Variants in OPCML observed in about 807,000 individuals in gnomAD.
OPCML encodes the protein opioid binding protein/cell adhesion molecule like, also known as opioid-binding protein/cell adhesion molecule.
A neutral mutation model predicts 37.8 loss-of-function variants in OPCML; 13 were observed. The ratio of observed to expected loss-of-function variants is 0.34; its 90% CI spans 0.22 to 0.55. The LOEUF (loss-of-function observed/expected upper bound fraction) is 0.55. OPCML is among the 20% of genes least tolerant of loss of function. OPCML has a pLI of 0.91. For synonymous variants in OPCML, 176 were observed against 168.8 expected, an observed-to-expected ratio of 1.04 and a Z score of -0.33; for missense variants, 341 against 435.6, an observed-to-expected ratio of 0.78 and a Z score of 1.93.
chr11:133,332,110 AG>A (rs1366127750), intron 1 of OPCML, among the ~76,000 whole-genome samples: 1 of 152,082 alleles, frequency 6.6e-6, no homozygotes, highest in Non-Finnish European at 1.5e-5. Flanking sequence ...TCTTTGAGCA[AG>A]GTTTTGTAAT....
chr11:133,446,481 G>A (rs894971831), intron 1 of OPCML, among the ~76,000 whole-genome samples: 5 of 152,018 alleles, frequency 3.3e-5, no homozygotes, highest in Admixed American at 6.6e-5. Context: ...CTGTAGTGTG[G>A]TGGTGTAGTC....
chr11:132,630,208 T>G (rs1251579130), intron 3 of OPCML, among the ~76,000 whole-genome samples: 1 of 152,246 alleles, frequency 6.6e-6, no homozygotes, highest in African/African-American at 2.4e-5. Context: ...TGTCAATGTA[T>G]GAAGATGTTC....
At chr11:132,825,295 T>TA (rs1316993276) in intron 2 of OPCML, among the ~76,000 whole-genome samples, 1 of 152,146 alleles carries the variant, frequency 6.6e-6, no homozygotes, top group Non-Finnish European at 1.5e-5. Flanking sequence ...AGCCTCTAGA[T>TA]ACCCAGCAAT....
chr11:132,529,260 T>A, intron 3 of OPCML, 74 bp from the exon 4 acceptor site: 1 of 1,502,058 alleles, frequency 6.7e-7, no homozygotes, highest in Non-Finnish European at 8.9e-7. Context: ...AGCCTACAAA[T>A]TTTTGTATAG....
At chr11:133,381,420 T>C (rs562097567) in intron 1 of OPCML, among the ~76,000 whole-genome samples, 10 of 152,304 alleles carry the variant, frequency 6.6e-5, no homozygotes, top group African/African-American at 2.2e-4. Flanking sequence ...AAATTCAGCT[T>C]GGAGCAGAGT....
chr11:133,122,214 A>G (rs999587202), intron 1 of OPCML, among the ~76,000 whole-genome samples: 7 of 152,200 alleles, frequency 4.6e-5, no homozygotes. Flanking sequence ...TGGTAATCAT[A>G]TAGACATGGA....
rs149883829 is a variant in OPCML at position 133,349,740 on chromosome 11, G to A, written c.61+182524C>T. Among the ~76,000 whole-genome samples, 488 of 152,228 alleles carry A rather than the reference G, an allele frequency of 3.2e-3. 1 individual carries two copies. Among genetic ancestry groups the A allele is most frequent in the African/African-American group, 0.011 (475 of 41,528 alleles). On this transcript the variant is annotated intron_variant, in intron 1 of 7. Coordinates refer to ENST00000524381, the MANE Select transcript of OPCML (RefSeq NM_001012393.5). ...CTGAAGATGAGGTGTGAGACAGGAA[G>A]AACACAGCTGTGCTTTCAGATCCCA... is the stretch of plus-strand genomic sequence containing the variant.
In OPCML at chr11:132,942,901, C is replaced by CTCGG. The variant is rs1945631595; in HGVS notation, c.146+24_146+25insCCGA. The CTCGG allele has an allele frequency of 1.1e-5, 17 of 1,533,930 alleles. No homozygotes were observed. The East Asian group carries it at 3.5e-4, about 32-fold the overall frequency. ...CAGCGACCACAGCCCAGGGGCTCGG[C>CTCGG]CCCCGCGGAAGGACAGCTCCCTACC... On this transcript the variant is annotated intron_variant, in intron 2 of 7. Coordinates refer to ENST00000524381, the MANE Select transcript of OPCML (RefSeq NM_001012393.5).
chr11:133,477,558 G>A (rs1035383820), intron 1 of OPCML, among the ~76,000 whole-genome samples: 1 of 152,024 alleles, frequency 6.6e-6, no homozygotes, highest in East Asian at 1.9e-4. Context: ...TTTGATGCGG[G>A]TTTTTTTTCT....
At chr11:132,549,593 C>G (rs1393978574) in intron 3 of OPCML, among the ~76,000 whole-genome samples, 1 of 152,220 alleles carries the variant, frequency 6.6e-6, no homozygotes, top group African/African-American at 2.4e-5. Context: ...TGAAAAGCAG[C>G]CCCAAATCAT....
chr11:133,256,473 T>G (rs895022803), intron 1 of OPCML, among the ~76,000 whole-genome samples: 1 of 152,244 alleles, frequency 6.6e-6, no homozygotes, highest in Non-Finnish European at 1.5e-5. Context: ...AAATGTACCA[T>G]AACCTTTGCT....
At chr11:133,464,496 G>A (rs1946930969) in intron 1 of OPCML, among the ~76,000 whole-genome samples, 1 of 152,192 alleles carries the variant, frequency 6.6e-6, no homozygotes, top group South Asian at 2.1e-4. Context: ...ATTGGATGTG[G>A]AAGGCTTTCT....
chr11:132,910,404 C>T (rs149163013), intron 2 of OPCML, among the ~76,000 whole-genome samples: 152 of 152,342 alleles, frequency 1.0e-3, no homozygotes, highest in African/African-American at 3.6e-3. Flanking sequence ...GGCCGAGAGT[C>T]TCAGAATTTC....
Position 132,580,669 on chromosome 11 carries a change from G to A in OPCML, c.380-51483C>T, listed in dbSNP as rs540172148. On this transcript the variant is annotated intron_variant, in intron 3 of 7. Transcript: ENST00000524381. ...CACACACATTTAATCTTCTCCCAAAGCTACAGCCAAAGTATAACTGGAGAC... is the reference window on the plus strand; with the variant it reads ...CACACACATTTAATCTTCTCCCAAAACTACAGCCAAAGTATAACTGGAGAC... 2.0e-5 allele frequency among the ~76,000 whole-genome samples: 3 copies of A among 152,208 alleles called. No homozygotes were observed. In the East Asian group the frequency reaches 5.8e-4, roughly 29 times the overall value.
chr11:132,665,385 T>C (rs920823475), intron 2 of OPCML, among the ~76,000 whole-genome samples: 6 of 152,192 alleles, frequency 3.9e-5, no homozygotes, highest in African/African-American at 1.4e-4. Context: ...GTGAGGGCTC[T>C]ACCTGAATGC....
At chr11:132,840,960 G>C (rs1225344953) in intron 2 of OPCML, among the ~76,000 whole-genome samples, 1 of 152,156 alleles carries the variant, frequency 6.6e-6, no homozygotes, top group East Asian at 1.9e-4. Flanking sequence ...GCTCACATGG[G>C]ACACTGCCTC....
At chr11:133,025,262 C>T (rs150674518) in intron 1 of OPCML, 1 of 858,030 alleles carries the variant, frequency 1.2e-6, no homozygotes, top group East Asian at 1.2e-4. Flanking sequence ...CATCTCTTCT[C>T]ACCTGTGAGT....
At chr11:132,975,925 C>G (rs1406462208) in intron 1 of OPCML, among the ~76,000 whole-genome samples, 1 of 152,128 alleles carries the variant, frequency 6.6e-6, no homozygotes, top group Non-Finnish European at 1.5e-5. Context: ...TGCCCGCCAC[C>G]ATGCCCGGCT....
At position 133,500,984 on chromosome 11, in the gene OPCML, A is replaced by G. The variant is rs374666786; in HGVS notation, c.61+31280T>C. The stretch of plus-strand genomic sequence containing the variant: ...GGGAGGGCAGATGGGGGCGTGGGGC[A>G]GGAGGCTTGGAGCTGAGACAGTCCT... On this transcript the variant is annotated intron_variant, in intron 1 of 7. Transcript: ENST00000524381. Among the ~76,000 whole-genome samples the G allele has an allele frequency of 3.2e-4, 49 of 152,162 alleles. No individual in the cohort carries two copies. In the East Asian group the frequency reaches 9.3e-3, roughly 29 times the overall value.
Sources: gnomAD v4.1 joint callset for allele counts (sites outside exome capture counted in the v4.1 genomes callset) on GRCh38, gnomAD v4.1.1 for gene constraint, MANE v1.5 for transcripts, NCBI Gene and HGNC (gene_info 2026-07-23, HGNC 2026-07-21) for gene names.